PTPRZ1: variants seen among roughly 807,000 people sequenced by gnomAD.
The protein encoded by PTPRZ1 is protein tyrosine phosphatase receptor type Z1, also known as receptor-type tyrosine-protein phosphatase zeta.
A neutral mutation model predicts 214.1 loss-of-function variants in PTPRZ1; 82 were observed. That is an observed-to-expected ratio of 0.38 (90% CI 0.32 to 0.46). PTPRZ1 has a LOEUF of 0.46. Among genes scored for constraint, PTPRZ1 ranks in the 20% least tolerant of loss-of-function variants. The pLI is 1.00. For synonymous variants in PTPRZ1, 945 were observed against 987.9 expected, an observed-to-expected ratio of 0.96 and a Z score of 0.81; for missense variants, 2,603 against 2,748.7, an observed-to-expected ratio of 0.95 and a Z score of 1.19.
intron 8 of PTPRZ1, among the ~76,000 whole-genome samples, chr7:121,990,195 T>C (rs921276903): frequency 1.3e-4 from 20 of 152,180 alleles, no homozygotes; most frequent in African/African-American, 4.8e-4. Context: ...AAAATCTTGC[T>C]CTCAATAAAT....
At chr7:122,018,959 T>C (rs942578163) in intron 12 of PTPRZ1, among the ~76,000 whole-genome samples, 165 bp from the exon 13 acceptor site, 6 of 152,188 alleles carry the variant, frequency 3.9e-5, no homozygotes, top group African/African-American at 1.4e-4. Flanking sequence ...CATTTTAAAC[T>C]TTGTTTTAAT....
intron 12 of PTPRZ1, among the ~76,000 whole-genome samples, chr7:122,015,332 C>T (rs1798812192): frequency 6.6e-6 from 1 of 152,094 alleles, no homozygotes. Context: ...ACATAGACAT[C>T]AGTCTCATTA....
intron 2 of PTPRZ1, among the ~76,000 whole-genome samples, chr7:121,951,982 G>A (rs1430210847): frequency 6.7e-6 from 1 of 150,104 alleles, no homozygotes; most frequent in East Asian, 2.0e-4. Flanking sequence ...TTTTTGAGAC[G>A]GAGTCTCGCT....
rs146513588 is a variant in PTPRZ1, at chr7:122,011,970, C to T, written c.2924C>T (p.Ser975Leu). ...GPSHIPIPKS[S>L]LITPTASLLQ... Reference sequence around the variant, plus strand: ...AGCCATATACCAATACCTAAGTCTTCGTTAATAACCCCAACTGCATCATTA... The same window carrying T: ...AGCCATATACCAATACCTAAGTCTTTGTTAATAACCCCAACTGCATCATTA... Residue 975 changes from serine (S) to leucine (L), a missense_variant, in exon 12 of 30, where the codon TCG (serine) becomes TTG (leucine). Transcript: ENST00000393386. 25 of 1,614,024 alleles carry T rather than the reference C, an allele frequency of 1.5e-5. No homozygotes were observed. The African/African-American group carries it at 2.4e-4, about 16-fold the overall frequency.
In PTPRZ1 at chr7:121,873,826, A is replaced by G. The variant is rs1299248648; in HGVS notation, c.58+269A>G. Among the ~76,000 whole-genome samples the G allele has an allele frequency of 2.0e-5, 3 of 152,218 alleles. No individual in the cohort carries two copies. The East Asian group carries it at 5.8e-4, about 29-fold the overall frequency. ...GCCCCAGGAGACGGAGCTACTGGAG[A>G]CGGAGGGCTACTCGGATCCCTGCCG... is the stretch of plus-strand genomic sequence containing the variant. On this transcript the variant is annotated intron_variant, in intron 1 of 29. Transcript: ENST00000393386.
At position 122,011,118 on chromosome 7, in the gene PTPRZ1, A is replaced by G; in HGVS notation, c.2072A>G (p.Lys691Arg). Reference sequence around the variant, plus strand: ...GTTGATGAATCTGAGAAGACAACCAAGTCCTTTTCTGCAGGCCCAGTGATG... The same window carrying G: ...GTTGATGAATCTGAGAAGACAACCAGGTCCTTTTCTGCAGGCCCAGTGATG... ...IRVDESEKTT[K>R]SFSAGPVMSQ... Residue 691 changes from lysine to arginine, a missense_variant, in exon 12 of 30, where the codon AAG becomes AGG. Lys to Arg is a conservative substitution (Grantham distance 26). Transcript: ENST00000393386. 1.2e-6 allele frequency: 2 copies of G among 1,614,140 alleles called. No individual in the cohort carries two copies. The highest frequency in any genetic ancestry group is 1.7e-6 in the Non-Finnish European group (2 of 1,180,016).
chr7:122,029,206 A>G (rs1218570091), intron 14 of PTPRZ1, among the ~76,000 whole-genome samples: 4 of 151,938 alleles, frequency 2.6e-5, no homozygotes, highest in Non-Finnish European at 5.9e-5. Context: ...TAATCTCTCA[A>G]AATGTTGAAC....
At chr7:122,050,202 G>A (rs552750810) in intron 23 of PTPRZ1, among the ~76,000 whole-genome samples, 209 of 151,968 alleles carry the variant, frequency 1.4e-3, no homozygotes, top group Non-Finnish European at 2.5e-3. Flanking sequence ...CAATACTTTG[G>A]GAGGCCAAGG....
In PTPRZ1 at chr7:121,925,780, A is replaced by G. The variant is rs374216002; in HGVS notation, c.59-2376A>G. ...TAAATAAATTTAAGTTTATCTAAAT[A>G]AATCTAAATAAATTCATATCTTTAT... On this transcript the variant is annotated intron_variant, in intron 1 of 29. Coordinates refer to ENST00000393386, the MANE Select transcript of PTPRZ1 (RefSeq NM_002851.3). 3.3e-5 allele frequency among the ~76,000 whole-genome samples: 5 copies of G among 152,340 alleles called. No individual in the cohort carries two copies. In the East Asian group the frequency reaches 9.6e-4, roughly 29 times the overall value.
chr7:122,001,826 T>C (rs1381739746), intron 10 of PTPRZ1, among the ~76,000 whole-genome samples: 1 of 152,224 alleles, frequency 6.6e-6, no homozygotes, highest in East Asian at 1.9e-4. Context: ...ATGTGAATTC[T>C]AAGTGTTCAC....
intron 11 of PTPRZ1, among the ~76,000 whole-genome samples, chr7:122,009,137 A>C (rs1481932478): frequency 1.3e-5 from 2 of 152,102 alleles, no homozygotes; most frequent in African/African-American, 2.4e-5. Flanking sequence ...CTAACTTCCT[A>C]AAGTTGTCAC....
intron 1 of PTPRZ1, among the ~76,000 whole-genome samples, chr7:121,886,813 G>A (rs1054925565): frequency 6.6e-6 from 1 of 152,064 alleles, no homozygotes; most frequent in African/African-American, 2.4e-5. Flanking sequence ...GGAAACCTTT[G>A]AGAAAATAAT....
At chr7:121,988,627 C>A (rs1797842998) in intron 8 of PTPRZ1, among the ~76,000 whole-genome samples, 2 of 152,080 alleles carry the variant, frequency 1.3e-5, no homozygotes, top group South Asian at 4.1e-4. Context: ...CTCAGTGTTA[C>A]CTGTAACATC....
chr7:122,015,156 T>C (rs1026247638), intron 12 of PTPRZ1, among the ~76,000 whole-genome samples: 1 of 152,206 alleles, frequency 6.6e-6, no homozygotes. Context: ...AGAAAAGTAA[T>C]ACTTTCATTG....
chr7:121,953,779 G>A (rs1415351308), intron 2 of PTPRZ1, among the ~76,000 whole-genome samples: 2 of 152,070 alleles, frequency 1.3e-5, no homozygotes, highest in African/African-American at 4.8e-5. Context: ...CAAAGAAAAC[G>A]GTGTAGATCA....
intron 1 of PTPRZ1, among the ~76,000 whole-genome samples, chr7:121,913,228 A>T (rs927163807): frequency 6.6e-6 from 1 of 152,208 alleles, no homozygotes; most frequent in African/African-American, 2.4e-5. Context: ...GAAAGTAGAG[A>T]TACCCAGTTG....
chr7:121,995,687 T>A lies in PTPRZ1; in HGVS notation c.929-695T>A, dbSNP rs548132324. ...TTTACTTATGATAACAAAATGGGATTTTTGTCAGCACGTCTGAAAAATACT... is the reference window on the plus strand; with the variant it reads ...TTTACTTATGATAACAAAATGGGATATTTGTCAGCACGTCTGAAAAATACT... On this transcript the variant is annotated intron_variant, in intron 8 of 29. Coordinates refer to ENST00000393386, the MANE Select transcript of PTPRZ1 (RefSeq NM_002851.3). Among the ~76,000 whole-genome samples the A allele has an allele frequency of 4.1e-4, 63 of 152,328 alleles. 1 individual carries two copies. Among genetic ancestry groups the A allele is most frequent in the Admixed American group, 4.0e-3 (61 of 15,302 alleles).
chr7:122,044,503 G>A lies in PTPRZ1; in HGVS notation c.6019G>A (p.Ala2007Thr). Reference protein sequence around the residue: ...ETEVLDSHIHAYVNALLIPGP... With the variant: ...ETEVLDSHIHTYVNALLIPGP... Reference sequence around the variant, plus strand: ...TGAGGTGCTGGACAGTCATATTCATGCCTATGTTAATGCACTCCTCATTCC... The same window carrying A: ...TGAGGTGCTGGACAGTCATATTCATACCTATGTTAATGCACTCCTCATTCC... Residue 2007 changes from alanine to threonine, a missense_variant, in exon 23 of 30, where the codon GCC (alanine) becomes ACC (threonine). By Grantham distance (58) the Ala-to-Thr change is moderately conservative (BLOSUM62 0). This residue lies in a region of PTPRZ1 where 1,913 missense variants were observed against 1,914.3 expected (regional missense o/e 1.00). Transcript: ENST00000393386. 1 of 1,613,890 alleles carries A rather than the reference G, an allele frequency of 6.2e-7. No individual in the cohort carries two copies. Among genetic ancestry groups the A allele is most frequent in the South Asian group, 1.1e-5 (1 of 91,078 alleles).
In PTPRZ1 at chr7:122,039,639, T is replaced by A. The variant is rs1441645796; in HGVS notation, c.5637+51T>A. 3.8e-6 allele frequency: 6 copies of A among 1,588,480 alleles called. No individual in the cohort carries two copies. The Admixed American group carries it at 5.2e-5, about 14-fold the overall frequency. ...ATCAAGTGAACAATGCATTTGGTCA[T>A]TTTTTAAGTGAATAAGCGATAGAAC... On this transcript the variant is annotated intron_variant, in intron 20 of 29. Coordinates refer to ENST00000393386, the MANE Select transcript of PTPRZ1 (RefSeq NM_002851.3).
Sources: allele counts gnomAD v4.1 joint callset (sites outside exome capture counted in the v4.1 genomes callset), GRCh38; gene constraint gnomAD v4.1.1; regional missense constraint gnomAD v4.1.1; transcripts MANE v1.5; gene names NCBI Gene and HGNC (gene_info 2026-07-23, HGNC 2026-07-21).